NCAPD3: variants seen among roughly 807,000 people sequenced by gnomAD.
NCAPD3 encodes non-SMC condensin II complex subunit D3.
A neutral mutation model predicts 182.9 loss-of-function variants in NCAPD3; 105 were observed. The observed-to-expected ratio is 0.57, with a 90% CI of 0.49 to 0.68. NCAPD3 has a LOEUF of 0.68. Among genes scored for constraint, NCAPD3 ranks in the 30% least tolerant of loss-of-function variants. The probability of loss-of-function intolerance (pLI) is 0.00; values close to 1 mark genes in which losing one functional copy is unlikely to be tolerated. For missense variants in NCAPD3, 1,944 were observed against 1,837.0 expected (o/e 1.06, Z -1.07); for synonymous variants, 815 against 679.9 (o/e 1.20, Z -3.09).
chr11:134,161,170 T>C (rs1428480334), intron 28 of NCAPD3, among the ~76,000 whole-genome samples: 1 of 152,190 alleles, frequency 6.6e-6, no homozygotes, highest in African/African-American at 2.4e-5. Flanking sequence ...TGAACAGAGC[T>C]ATAACTGCTG....
intron 34 of NCAPD3, 37 bp downstream of exon 34, chr11:134,153,103 G>GAAAC: frequency 3.1e-6 from 5 of 1,612,676 alleles, no homozygotes; most frequent in Non-Finnish European, 4.2e-6. Context: ...AACCCTGACA[G>GAAAC]AAACATCCAC....
intron 16 of NCAPD3, among the ~76,000 whole-genome samples, chr11:134,188,955 T>C (rs1340455507): frequency 1.3e-5 from 2 of 152,144 alleles, no homozygotes; most frequent in East Asian, 3.9e-4. Flanking sequence ...GGCACCATGA[T>C]CTCAAATTTC....
At chr11:134,203,370 C>G (rs1419625839) in intron 11 of NCAPD3, among the ~76,000 whole-genome samples, 172 bp from the exon 12 acceptor site, 1 of 152,174 alleles carries the variant, frequency 6.6e-6, no homozygotes, top group Non-Finnish European at 1.5e-5. Context: ...GAGATTCATC[C>G]TAATACGACC....
chr11:134,155,686 C>T (rs1229092306), intron 32 of NCAPD3, among the ~76,000 whole-genome samples: 1 of 152,210 alleles, frequency 6.6e-6, no homozygotes, highest in Admixed American at 6.5e-5. Flanking sequence ...CTCCCCGTTT[C>T]TTCAGCATAT....
chr11:134,189,472 C>G (rs972772536), intron 16 of NCAPD3, among the ~76,000 whole-genome samples: 2 of 152,150 alleles, frequency 1.3e-5, no homozygotes, highest in Non-Finnish European at 1.5e-5. Context: ...AGTTTTGGCA[C>G]GTATTCAGTT....
Position 134,204,028 on chromosome 11 carries a change from T to G in NCAPD3, c.1215+18A>C. ...AGTTTAAAAAGGACCCAAGGTTTTA[T>G]GCAGAGCTATCTCCTACCTTGGAAC... On this transcript the variant is annotated intron_variant, in intron 10 of 34. Transcript: ENST00000534548. The surrounding 1 kb of genome is among the most constrained non-coding windows in gnomAD (Gnocchi z 4.3). 6.2e-7 allele frequency: 1 copy of G among 1,613,094 alleles called. No individual in the cohort carries two copies. Among genetic ancestry groups the G allele is most frequent in the Non-Finnish European group, 8.5e-7 (1 of 1,179,646 alleles).
intron 11 of NCAPD3, 96 bp downstream of exon 11, chr11:134,203,558 C>T: frequency 6.9e-7 from 1 of 1,458,078 alleles, no homozygotes; most frequent in Non-Finnish European, 9.3e-7. Flanking sequence ...TCATGCCATA[C>T]CTATTACTTT....
intron 19 of NCAPD3, among the ~76,000 whole-genome samples, chr11:134,184,228 G>A (rs1312228264): frequency 6.6e-6 from 1 of 152,214 alleles, no homozygotes; most frequent in Non-Finnish European, 1.5e-5. Context: ...GCATGTCCAA[G>A]ATTATGACTT....
chr11:134,215,258 A>G (rs1432556351), intron 3 of NCAPD3, among the ~76,000 whole-genome samples: 4 of 152,216 alleles, frequency 2.6e-5, no homozygotes, highest in African/African-American at 9.6e-5. Flanking sequence ...TCCCCTTAAG[A>G]TCAGGAATAG....
At chr11:134,197,699 T>C (rs1033918392) in intron 13 of NCAPD3, among the ~76,000 whole-genome samples, 1 of 152,246 alleles carries the variant, frequency 6.6e-6, no homozygotes, top group Non-Finnish European at 1.5e-5. Context: ...ACAACCATGC[T>C]TGGGATTTAT....
At chr11:134,168,649 T>A (rs772876363) in intron 25 of NCAPD3, 47 bp from the exon 26 acceptor site, 3 of 1,610,160 alleles carry the variant, frequency 1.9e-6, no homozygotes, top group Non-Finnish European at 2.5e-6. Context: ...GGCACGGGTG[T>A]AAGGGATTTA....
At chr11:134,209,232 C>A in intron 5 of NCAPD3, 26 bp from the exon 6 acceptor site, 1 of 1,609,752 alleles carries the variant, frequency 6.2e-7, no homozygotes, top group Non-Finnish European at 8.5e-7. Context: ...GAAGAAAAGG[C>A]CTGATTTTTT....
At chr11:134,217,168 T>C in intron 2 of NCAPD3, 70 bp from the exon 3 acceptor site, 2 of 1,412,048 alleles carry the variant, frequency 1.4e-6, no homozygotes, top group Non-Finnish European at 1.9e-6. Context: ...TATTTGATTT[T>C]TGTAAGTTCT....
At chr11:134,215,380 A>G (rs1937977411) in intron 3 of NCAPD3, among the ~76,000 whole-genome samples, 1 of 152,196 alleles carries the variant, frequency 6.6e-6, no homozygotes, top group South Asian at 2.1e-4. Context: ...AAAGAAGTAA[A>G]CCTGTGTCTA....
rs1335482209 is a variant in NCAPD3 at position 134,158,007 on chromosome 11, CTT to C, written c.4093_4094del (p.Lys1365GlufsTer41). On this transcript the variant is annotated frameshift_variant, in exon 31 of 35. Transcript: ENST00000534548. LOFTEE classifies it high-confidence loss of function. ...LNSVKKAVES[K>X]SRHRSRSLGV... ...CTAAGCTCCGACTCCGATGCCTGCT[CTT>C]TGACTCCACGGCTTTCTTGACAGAA... 1.9e-6 allele frequency: 3 copies of C among 1,614,234 alleles called. No individual in the cohort carries two copies. The highest frequency in any genetic ancestry group is 1.7e-5 in the Admixed American group (1 of 60,030).
upstream of NCAPD3, chr11:134,225,162 A>G: frequency 6.2e-7 from 1 of 1,613,560 alleles, no homozygotes; most frequent in Non-Finnish European, 8.5e-7. Context: ...GGAGGTGGAA[A>G]TCCTTCTGAA....
rs200954003 is a variant in NCAPD3, at chr11:134,184,803, G to GTA, written c.2336-53_2336-52dup. 1,588 of 912,386 alleles carry GTA rather than the reference G, an allele frequency of 1.7e-3. 39 individuals are homozygous for GTA. The African/African-American group carries it at 0.022, about 12-fold the overall frequency. The allele number at this position is 912,386 out of a possible 1,614,324, so 56.5% of individuals were successfully genotyped here. A position where few individuals can be genotyped will look rare whatever the true frequency, so the allele number is the denominator to read the frequency against. On this transcript the variant is annotated intron_variant, in intron 18 of 34. Coordinates refer to ENST00000534548, the MANE Select transcript of NCAPD3 (RefSeq NM_015261.3). ...AGTTCAACTGCTTAAATATATTCAG[G>GTA]TATATATACACACACACACACACAC... is the stretch of plus-strand genomic sequence containing the variant.
intron 13 of NCAPD3, among the ~76,000 whole-genome samples, chr11:134,201,850 C>T (rs537227301): frequency 1.5e-4 from 23 of 152,206 alleles, no homozygotes; most frequent in Non-Finnish European, 2.9e-4. Flanking sequence ...ATGTAGTTAT[C>T]GCTCTGAATT....
rs757234995 is a variant in NCAPD3 at position 134,169,046 on chromosome 11, TC to T, written c.3109del (p.Glu1037SerfsTer9). ...CAGTAACAGGTGAGCCAGGCAAAAC[TC>T]CCCGAAGCTGCAAAGGTGAGAGAAA... ...DSHPDIASFG[E>X]FCLAHLLLKR... is the part of the protein sequence containing the mutation. On this transcript the variant is annotated frameshift_variant, in exon 25 of 35. Coordinates refer to ENST00000534548, the MANE Select transcript of NCAPD3 (RefSeq NM_015261.3). LOFTEE classifies it high-confidence loss of function. 6.2e-7 allele frequency: 1 copy of T among 1,613,200 alleles called. No individual in the cohort carries two copies.
Sources: allele counts gnomAD v4.1 joint callset (sites outside exome capture counted in the v4.1 genomes callset), GRCh38; gene constraint gnomAD v4.1.1; non-coding constraint Gnocchi (gnomAD v3.1); transcripts MANE v1.5; gene names NCBI Gene and HGNC (gene_info 2026-07-23, HGNC 2026-07-21).